The following ZCWPW2 variants were observed in gnomAD, a reference collection of about 807,000 sequenced individuals.
ZCWPW2 encodes the protein zinc finger CW-type and PWWP domain containing 2, also known as zinc finger CW-type PWWP domain protein 2.
A neutral mutation model predicts 46.6 loss-of-function variants in ZCWPW2; 45 were observed. That is an observed-to-expected ratio of 0.96 (90% CI 0.76 to 1.24). ZCWPW2 has a LOEUF of 1.24. Among genes scored for constraint, ZCWPW2 ranks in the 50% most tolerant of loss-of-function variants. The pLI is 0.00. For synonymous variants in ZCWPW2, 152 were observed against 137.1 expected (o/e 1.11, Z -0.76); for missense variants, 429 against 403.9 (o/e 1.06, Z -0.53).
chr3:28,522,995 T>C (rs1246552085), intron 9 of ZCWPW2, among the ~76,000 whole-genome samples: 1 of 152,224 alleles, frequency 6.6e-6, no homozygotes, highest in African/African-American at 2.4e-5. Flanking sequence ...GGAGCTTTTA[T>C]AGGCACAGAA....
intron 4 of ZCWPW2, among the ~76,000 whole-genome samples, chr3:28,457,090 A>G (rs1698455562): frequency 6.6e-6 from 1 of 152,056 alleles, no homozygotes; most frequent in Non-Finnish European, 1.5e-5. Context: ...TTTCCTTTAA[A>G]GTATCTTCTA....
At chr3:28,479,065 G>T in intron 5 of ZCWPW2, 134 bp downstream of exon 5, 1 of 580,342 alleles carries the variant, frequency 1.7e-6, no homozygotes, top group South Asian at 2.9e-5. Context: ...TTGTTTATTT[G>T]AAAATTATTT....
chr3:28,353,850 A>G (rs1023316954), intron 1 of ZCWPW2, among the ~76,000 whole-genome samples: 1 of 152,218 alleles, frequency 6.6e-6, no homozygotes, highest in Non-Finnish European at 1.5e-5. Context: ...GAACAGCAAC[A>G]GAGGAGGTTG....
intron 5 of ZCWPW2, among the ~76,000 whole-genome samples, chr3:28,490,757 C>T (rs956588532): frequency 1.3e-5 from 2 of 151,848 alleles, no homozygotes; most frequent in Non-Finnish European, 2.9e-5. Flanking sequence ...ACCCCTGAAA[C>T]TAAAAGTTTA....
chr3:28,427,171 T>G (rs1017176822), intron 3 of ZCWPW2, among the ~76,000 whole-genome samples: 2 of 152,216 alleles, frequency 1.3e-5, no homozygotes, highest in Non-Finnish European at 2.9e-5. Flanking sequence ...CTCCCTTTCA[T>G]CATTAAATCT....
At chr3:28,434,858 C>G (rs1282188427) in intron 3 of ZCWPW2, among the ~76,000 whole-genome samples, 2 of 152,020 alleles carry the variant, frequency 1.3e-5, no homozygotes, top group African/African-American at 4.8e-5. Flanking sequence ...CATTCTTTTG[C>G]TTTATAATTC....
intron 5 of ZCWPW2, among the ~76,000 whole-genome samples, chr3:28,486,441 T>C (rs1699602235): frequency 6.7e-6 from 1 of 149,388 alleles, no homozygotes; most frequent in East Asian, 2.0e-4. Flanking sequence ...TGTGTAGATC[T>C]GAATTTCTAA....
At chr3:28,466,582 T>C (rs1019039002) in intron 4 of ZCWPW2, among the ~76,000 whole-genome samples, 2 of 152,142 alleles carry the variant, frequency 1.3e-5, no homozygotes, top group African/African-American at 4.8e-5. Context: ...GCAGATCACC[T>C]AAGGTCAGAA....
intron 1 of ZCWPW2, among the ~76,000 whole-genome samples, chr3:28,376,103 T>C (rs936390371): frequency 1.3e-5 from 2 of 152,084 alleles, no homozygotes; most frequent in African/African-American, 4.8e-5. Context: ...ACAGCAAACA[T>C]AGGGGTACCG....
Position 28,349,113 on chromosome 3 carries a change from G to C in ZCWPW2, c.-224G>C. 1.0e-6 allele frequency: 1 copy of C among 985,736 alleles called. No individual in the cohort carries two copies. Among genetic ancestry groups the C allele is most frequent in the Non-Finnish European group, 1.2e-6 (1 of 830,200 alleles). The allele number at this position is 985,736 out of a possible 1,614,324, so 61.1% of individuals were successfully genotyped here. On this transcript the variant is annotated 5_prime_UTR_variant, in exon 1 of 10. Coordinates refer to ENST00000383768, the MANE Select transcript of ZCWPW2 (RefSeq NM_001040432.4). Reference sequence around the variant, plus strand: ...CGTGGGGGTGGGGAAGTGCAGGAGTGGCGCGCGGCGTACTACATGTCCCGT... The same window carrying C: ...CGTGGGGGTGGGGAAGTGCAGGAGTCGCGCGCGGCGTACTACATGTCCCGT...
intron 6 of ZCWPW2, among the ~76,000 whole-genome samples, chr3:28,503,279 C>T (rs1037424468): frequency 6.6e-6 from 1 of 152,074 alleles, no homozygotes; most frequent in Non-Finnish European, 1.5e-5. Flanking sequence ...TGAACAGCTG[C>T]CAGATGTTGT....
rs143614230 is a variant in ZCWPW2, at chr3:28,427,137, G to A, written c.333-7973G>A. ...TATACTTTTCTTGTAATTCTGATAA[G>A]TTACCATTGGGTTGCCCACTCCTCT... On this transcript the variant is annotated intron_variant, in intron 3 of 9. Transcript: ENST00000383768. 1.5e-3 allele frequency among the ~76,000 whole-genome samples: 229 copies of A among 152,266 alleles called. 3 individuals carry two copies. The East Asian group carries it at 0.033, about 22-fold the overall frequency.
At chr3:28,377,016 ATG>A (rs1465681760) in intron 1 of ZCWPW2, among the ~76,000 whole-genome samples, 2 of 152,066 alleles carry the variant, frequency 1.3e-5, no homozygotes, top group African/African-American at 4.8e-5. Context: ...GACAGTTCTA[ATG>A]AAATTCAAAG....
At position 28,445,412 on chromosome 3, in the gene ZCWPW2, G is replaced by A. The variant is rs183425140; in HGVS notation, c.492+10143G>A. 2.1e-4 allele frequency among the ~76,000 whole-genome samples: 32 copies of A among 152,126 alleles called. No individual in the cohort carries two copies. The East Asian group carries it at 4.4e-3, about 21-fold the overall frequency. ...TGAAATTTCGTGACAACAACTGAAA[G>A]GGGTGGGGATGAAGCTGTTAAGGGA... On this transcript the variant is annotated intron_variant, in intron 4 of 9. Coordinates refer to ENST00000383768, the MANE Select transcript of ZCWPW2 (RefSeq NM_001040432.4).
At chr3:28,389,601 C>A (rs958071616) in intron 1 of ZCWPW2, among the ~76,000 whole-genome samples, 1 of 152,098 alleles carries the variant, frequency 6.6e-6, no homozygotes, top group Admixed American at 6.6e-5. Flanking sequence ...TACAGAATTC[C>A]CAGAACCAAT....
chr3:28,376,178 C>T (rs1705495445), intron 1 of ZCWPW2, among the ~76,000 whole-genome samples: 1 of 151,904 alleles, frequency 6.6e-6, no homozygotes, highest in Non-Finnish European at 1.5e-5. Flanking sequence ...ATTGCTGGTA[C>T]TTGATATTTT....
rs1698905986 is a variant in ZCWPW2, at chr3:28,468,351, T to TG, written c.493-10461dup. ...TCAAGAGGGCAAATCTAACAGTTATTGGCCTTAAAGAGGAAGTAAAGAAAG... is the reference window on the plus strand; with the variant it reads ...TCAAGAGGGCAAATCTAACAGTTATTGGGCCTTAAAGAGGAAGTAAAGAAAG... On this transcript the variant is annotated intron_variant, in intron 4 of 9. Transcript: ENST00000383768. 2.0e-5 allele frequency among the ~76,000 whole-genome samples: 3 copies of TG among 151,588 alleles called. No homozygotes were observed. In the South Asian group the frequency reaches 6.2e-4, roughly 32 times the overall value.
At chr3:28,490,986 T>C (rs1699790438) in intron 5 of ZCWPW2, among the ~76,000 whole-genome samples, 1 of 152,268 alleles carries the variant, frequency 6.6e-6, no homozygotes, top group Admixed American at 6.6e-5. Context: ...ATAAGTATTA[T>C]TGAACACTTA....
intron 4 of ZCWPW2, among the ~76,000 whole-genome samples, chr3:28,467,587 G>C (rs1575169055): frequency 6.6e-6 from 1 of 152,180 alleles, no homozygotes; most frequent in African/African-American, 2.4e-5. Flanking sequence ...ATTCCCAGTG[G>C]TGGTGGCCAC....
Sources: allele counts gnomAD v4.1 joint callset (sites outside exome capture counted in the v4.1 genomes callset), GRCh38; gene constraint gnomAD v4.1.1; transcripts MANE v1.5; gene names NCBI Gene and HGNC (gene_info 2026-07-23, HGNC 2026-07-21).